Variants in PCCA observed in about 807,000 individuals in gnomAD.
PCCA encodes the protein propionyl-CoA carboxylase alpha chain, mitochondrial.
PCCA carries 74 observed loss-of-function variants against 101.3 expected under a neutral mutation model. The ratio of observed to expected loss-of-function variants is 0.73; its 90% confidence interval spans 0.61 to 0.89. The LOEUF (loss-of-function observed/expected upper bound fraction) is 0.89, where lower values mean the gene tolerates loss of function less well. PCCA is among the 40% of genes least tolerant of loss of function. The pLI is 0.00. For missense variants in PCCA, 891 were observed against 907.0 expected, an observed-to-expected ratio of 0.98 and a Z score of 0.23; for synonymous variants, 294 against 313.6, an observed-to-expected ratio of 0.94 and a Z score of 0.66.
intron 22 of PCCA, among the ~76,000 whole-genome samples, chr13:100,522,360 C>T (rs1252438746): frequency 6.6e-6 from 1 of 152,192 alleles, no homozygotes; most frequent in Non-Finnish European, 1.5e-5. Flanking sequence ...AGCAGGTAAG[C>T]TCAAAATACC....
chr13:100,310,249 T>A (rs2066805238), intron 16 of PCCA, among the ~76,000 whole-genome samples: 1 of 152,184 alleles, frequency 6.6e-6, no homozygotes, highest in South Asian at 2.1e-4. Flanking sequence ...ACGTTCAGTT[T>A]ATGTGAGTTT....
At chr13:100,485,291 C>G (rs1233795507) in intron 21 of PCCA, among the ~76,000 whole-genome samples, 2 of 152,186 alleles carry the variant, frequency 1.3e-5, no homozygotes, top group African/African-American at 4.8e-5. Flanking sequence ...CTTTCTCTCC[C>G]ATATTTTGCC....
intron 20 of PCCA, among the ~76,000 whole-genome samples, chr13:100,430,020 TA>T (rs966167192): frequency 6.6e-6 from 1 of 152,062 alleles, no homozygotes; most frequent in African/African-American, 2.4e-5. Flanking sequence ...CTCACGCCTG[TA>T]ATCCTAGCCT....
At chr13:100,148,393 T>C (rs985265102) in intron 4 of PCCA, among the ~76,000 whole-genome samples, 4 of 152,162 alleles carry the variant, frequency 2.6e-5, no homozygotes, top group Non-Finnish European at 4.4e-5. Context: ...CATCCAGCCA[T>C]ATGTACAGTC....
At chr13:100,257,718 C>A in intron 9 of PCCA, 45 bp downstream of exon 9, 2 of 1,390,808 alleles carry the variant, frequency 1.4e-6, no homozygotes, top group Non-Finnish European at 2.0e-6. Context: ...ATTGCAGTTA[C>A]CAGAGTTTTA....
chr13:100,322,163 A>G (rs1004894104), intron 16 of PCCA, among the ~76,000 whole-genome samples: 22 of 152,148 alleles, frequency 1.4e-4, no homozygotes, highest in African/African-American at 5.3e-4. Flanking sequence ...ACACACACCC[A>G]TCCTGATGTG....
intron 19 of PCCA, among the ~76,000 whole-genome samples, chr13:100,401,115 C>T (rs553689280): frequency 2.4e-4 from 37 of 152,160 alleles, no homozygotes; most frequent in African/African-American, 8.2e-4. Context: ...TGGCTTATCC[C>T]GAGAATTGAC....
At chr13:100,399,868 T>TC (rs976005209) in intron 19 of PCCA, among the ~76,000 whole-genome samples, 7 of 152,002 alleles carry the variant, frequency 4.6e-5, no homozygotes, top group African/African-American at 1.7e-4. Flanking sequence ...GCCTACTTCC[T>TC]CCCCCCACTA....
intron 8 of PCCA, among the ~76,000 whole-genome samples, chr13:100,248,754 C>CT (rs889662353): frequency 9.9e-5 from 15 of 150,832 alleles, no homozygotes; most frequent in African/African-American, 2.2e-4. Flanking sequence ...TGTCTTTATT[C>CT]TTTTTTTTTG....
chr13:100,098,720 AG>A (rs1195040486), intron 1 of PCCA, among the ~76,000 whole-genome samples: 11 of 152,202 alleles, frequency 7.2e-5, no homozygotes, highest in Non-Finnish European at 1.5e-5. Context: ...TGACATGTAT[AG>A]TTTCCTGGTG....
chr13:100,104,920 T>C (rs1594101964), intron 2 of PCCA, among the ~76,000 whole-genome samples: 1 of 152,056 alleles, frequency 6.6e-6, no homozygotes. Context: ...GGCAGGCTGG[T>C]CTCGAACTCC....
At position 100,268,593 on chromosome 13, in the gene PCCA, A is replaced by G. The variant is rs79631831; in HGVS notation, c.820-96A>G. 0.024 allele frequency: 20,538 copies of G among 864,254 alleles called. 835 individuals are homozygous for G. Among genetic ancestry groups the G allele is most frequent in the East Asian group, 0.12 (5,105 of 41,322 alleles). 53.5% of individuals were successfully genotyped at this position (864,254 alleles called of 1,614,324 possible). A position where few individuals can be genotyped will look rare whatever the true frequency, so the allele number is the denominator to read the frequency against. The stretch of plus-strand genomic sequence containing the variant: ...TATGTATATACTATGAAGTTTGAAT[A>G]TTAAAAACCAAGAGATGTTGCATGC... On this transcript the variant is annotated intron_variant, in intron 10 of 23. Coordinates refer to ENST00000376285, the MANE Select transcript of PCCA (RefSeq NM_000282.4).
intron 4 of PCCA, chr13:100,150,795 C>A: frequency 6.3e-7 from 1 of 1,586,142 alleles, no homozygotes; most frequent in Non-Finnish European, 8.6e-7. Flanking sequence ...TCCTCTGCAA[C>A]GGACTGAAGG....
intron 22 of PCCA, among the ~76,000 whole-genome samples, chr13:100,521,142 G>T (rs906865898): frequency 1.3e-5 from 2 of 152,160 alleles, no homozygotes; most frequent in African/African-American, 4.8e-5. Flanking sequence ...TAACTTAGAG[G>T]GCAGCAGGGA....
At chr13:100,184,165 A>G (rs1007365117) in intron 6 of PCCA, among the ~76,000 whole-genome samples, 1 of 152,268 alleles carries the variant, frequency 6.6e-6, no homozygotes, top group South Asian at 2.1e-4. Context: ...CAGGACTAAG[A>G]GAGAGAGGGG....
intron 21 of PCCA, among the ~76,000 whole-genome samples, chr13:100,484,631 G>T (rs1300498651): frequency 6.6e-6 from 1 of 152,188 alleles, no homozygotes; most frequent in African/African-American, 2.4e-5. Context: ...TGTAGAATTT[G>T]AGAGTCCACT....
rs1258776476 is a variant in PCCA at position 100,348,819 on chromosome 13, T to TTCCTTC, written c.1643+8560_1643+8561insTCCTTC. Among the ~76,000 whole-genome samples the TTCCTTC allele has an allele frequency of 6.9e-3, 367 of 53,424 alleles. 17 individuals carry two copies. The highest frequency in any genetic ancestry group is 0.037 in the Middle Eastern group (3 of 82). 35.0% of individuals were successfully genotyped at this position (53,424 alleles called of 152,430 possible). A position where few individuals can be genotyped will look rare whatever the true frequency, so the allele number is the denominator to read the frequency against. On this transcript the variant is annotated intron_variant, in intron 18 of 23. Transcript: ENST00000376285. ...TCCTTCCTTCCTTCCTTCCTTCCTT[T>TTCCTTC]CTTTCTTTTCTCTCTCTTTTTCTCT...
At position 100,093,966 on chromosome 13, in the gene PCCA, T is replaced by C. The variant is rs1038346991; in HGVS notation, c.105+4741T>C. Among the ~76,000 whole-genome samples, 14 of 151,880 alleles carry C rather than the reference T, an allele frequency of 9.2e-5. No individual in the cohort carries two copies. In the East Asian group the frequency reaches 1.7e-3, roughly 19 times the overall value. ...AAAAAAGTCTGGGCACGATGGCTCA[T>C]GCCTGTAATCCCAGCACTTTGGGAG... On this transcript the variant is annotated intron_variant, in intron 1 of 23. Transcript: ENST00000376285.
intron 21 of PCCA, 85 bp downstream of exon 21, chr13:100,449,390 T>G: frequency 1.3e-6 from 1 of 750,060 alleles, no homozygotes; most frequent in Non-Finnish European, 2.2e-6. Context: ...GAACTTGGCT[T>G]CATTACTGCT....
Sources: gnomAD v4.1 joint callset for allele counts (sites outside exome capture counted in the v4.1 genomes callset) on GRCh38, gnomAD v4.1.1 for gene constraint, MANE v1.5 for transcripts, NCBI Gene and HGNC (gene_info 2026-07-23, HGNC 2026-07-21) for gene names.